The following HCN1 variants were observed in gnomAD, a reference collection of about 807,000 sequenced individuals.
HCN1 encodes the protein hyperpolarization activated cyclic nucleotide gated potassium channel 1, also known as potassium/sodium hyperpolarization-activated cyclic nucleotide-gated channel 1.
HCN1 carries 13 observed loss-of-function variants against 78.9 expected under a neutral mutation model. The observed-to-expected ratio is 0.16, with a 90% CI of 0.11 to 0.26. The LOEUF is 0.26. Ranked by LOEUF, HCN1 falls within the 10% of genes least tolerant of loss-of-function variation. The pLI is 1.00. For missense variants in HCN1, 810 were observed against 1,154.3 expected (o/e 0.70, Z 4.32); for synonymous variants, 552 against 455.5 (o/e 1.21, Z -2.70).
intron 5 of HCN1, among the ~76,000 whole-genome samples, chr5:45,350,534 G>A (rs1175276117): frequency 6.6e-6 from 1 of 151,560 alleles, no homozygotes; most frequent in African/African-American, 2.4e-5. Context: ...GGGCAATCAG[G>A]CAGGAGAAGG....
intron 2 of HCN1, among the ~76,000 whole-genome samples, chr5:45,478,564 G>T (rs376895135): frequency 1.3e-5 from 2 of 152,098 alleles, no homozygotes; most frequent in African/African-American, 4.8e-5. Flanking sequence ...ATAGTTATCC[G>T]TACTAATTCT....
At chr5:45,368,959 G>A (rs912695774) in intron 4 of HCN1, among the ~76,000 whole-genome samples, 1 of 151,834 alleles carries the variant, frequency 6.6e-6, no homozygotes, top group Non-Finnish European at 1.5e-5. Context: ...CGTTCCAAAA[G>A]TTCCCTCATT....
rs891892358 is a variant in HCN1 at position 45,257,311 on chromosome 5, C to G, written c.*4610G>C. The G allele has an allele frequency of 1.3e-5, 2 of 152,206 alleles. No individual in the cohort carries two copies. The highest frequency in any genetic ancestry group is 2.9e-5 in the Non-Finnish European group (2 of 68,036). The allele number at this position is 152,206 out of a possible 1,614,324, so 9.4% of individuals were successfully genotyped here. ...CTCTTCACCCTGTGAGACACTCCAG[C>G]TGCATTGAACTGCCAGTGTTCCCAA... is the stretch of plus-strand genomic sequence containing the variant. On this transcript the variant is annotated 3_prime_UTR_variant, in exon 8 of 8. Transcript: ENST00000303230.
chr5:45,418,862 T>A (rs751988370), intron 3 of HCN1, among the ~76,000 whole-genome samples: 1 of 152,200 alleles, frequency 6.6e-6, no homozygotes, highest in Non-Finnish European at 1.5e-5. Flanking sequence ...TGAAGATTTA[T>A]ATATAATTCT....
intron 2 of HCN1, among the ~76,000 whole-genome samples, chr5:45,518,987 T>C (rs1440146043): frequency 1.3e-5 from 2 of 151,664 alleles, no homozygotes; most frequent in Non-Finnish European, 2.9e-5. Context: ...ATATATAAAA[T>C]TTAAAACAAA....
At chr5:45,684,375 T>C (rs1425946277) in intron 1 of HCN1, among the ~76,000 whole-genome samples, 3 of 152,206 alleles carry the variant, frequency 2.0e-5, no homozygotes, top group Admixed American at 6.5e-5. Context: ...CTGCTTTTTA[T>C]ACATTAGATA....
At position 45,556,594 on chromosome 5, in the gene HCN1, C is replaced by G. The variant is rs144310022; in HGVS notation, c.849+88591G>C. On this transcript the variant is annotated intron_variant, in intron 2 of 7. Coordinates refer to ENST00000303230, the MANE Select transcript of HCN1 (RefSeq NM_021072.4). ...TCCTAGATTCCTTCTTCCATTTTCT[C>G]CATTCCTATTTAATAATGTTTCAAG... Among the ~76,000 whole-genome samples, 260 of 151,970 alleles carry G rather than the reference C, an allele frequency of 1.7e-3. 2 individuals carry two copies. The highest frequency in any genetic ancestry group is 6.1e-3 in the African/African-American group (253 of 41,530).
intron 7 of HCN1, 74 bp downstream of exon 7, chr5:45,267,015 G>T: frequency 7.8e-7 from 1 of 1,277,488 alleles, no homozygotes; most frequent in Non-Finnish European, 1.1e-6. Context: ...CACTGCATTT[G>T]GGACTTATAA....
chr5:45,330,799 A>G (rs1425358151), intron 5 of HCN1, among the ~76,000 whole-genome samples: 1 of 151,088 alleles, frequency 6.6e-6, no homozygotes, highest in Admixed American at 6.6e-5. Flanking sequence ...CATTCATTTA[A>G]AAAAATTTTC....
chr5:45,387,802 A>G (rs1747957036), intron 4 of HCN1, among the ~76,000 whole-genome samples: 1 of 152,144 alleles, frequency 6.6e-6, no homozygotes, highest in African/African-American at 2.4e-5. Flanking sequence ...ACCAAACCCT[A>G]TACATATACT....
chr5:45,670,901 T>C (rs1746138737), intron 1 of HCN1, among the ~76,000 whole-genome samples: 1 of 151,704 alleles, frequency 6.6e-6, no homozygotes, highest in Non-Finnish European at 1.5e-5. Context: ...CAAAACAGAT[T>C]CAAACAAATA....
intron 3 of HCN1, among the ~76,000 whole-genome samples, chr5:45,398,708 T>G (rs1739734084): frequency 6.6e-6 from 1 of 152,218 alleles, no homozygotes; most frequent in Non-Finnish European, 1.5e-5. Context: ...TATATTGTAT[T>G]GCTATATTTT....
intron 5 of HCN1, among the ~76,000 whole-genome samples, chr5:45,342,503 G>A (rs867423854): frequency 6.6e-6 from 1 of 151,566 alleles, no homozygotes; most frequent in African/African-American, 2.4e-5. Flanking sequence ...CACCCAAAAT[G>A]CTGGGATTAT....
intron 1 of HCN1, among the ~76,000 whole-genome samples, chr5:45,669,644 G>T (rs181542119): frequency 4.3e-4 from 65 of 151,854 alleles, no homozygotes; most frequent in Middle Eastern, 6.8e-3. Flanking sequence ...CAGGAAGATG[G>T]AGCAGCAAAT....
chr5:45,380,023 G>C lies in HCN1; in HGVS notation c.1230+16469C>G, dbSNP rs929349227. ...AAGAGAGAACTTGAGGAACAAGTTT[G>C]AAGAGTTAGGATCCATTTGTCTTAG... On this transcript the variant is annotated intron_variant, in intron 4 of 7. Transcript: ENST00000303230. Among the ~76,000 whole-genome samples the C allele has an allele frequency of 2.0e-5, 3 of 152,092 alleles. No individual in the cohort carries two copies. The East Asian group carries it at 5.8e-4, about 29-fold the overall frequency.
intron 1 of HCN1, among the ~76,000 whole-genome samples, chr5:45,673,778 G>T (rs1409016330): frequency 6.6e-6 from 1 of 151,468 alleles, no homozygotes; most frequent in East Asian, 1.9e-4. Flanking sequence ...TTAATCAAAG[G>T]TCACAAAATT....
chr5:45,505,517 G>A (rs185442412), intron 2 of HCN1, among the ~76,000 whole-genome samples: 2 of 152,230 alleles, frequency 1.3e-5, no homozygotes, highest in African/African-American at 2.4e-5. Context: ...TTGTAGTATA[G>A]TTTGAAGTCA....
In HCN1 at chr5:45,371,947, A is replaced by G. The variant is rs192971219; in HGVS notation, c.1231-18701T>C. Among the ~76,000 whole-genome samples, 20 of 95,286 alleles carry G rather than the reference A, an allele frequency of 2.1e-4. 1 individual carries two copies. In the South Asian group the frequency reaches 3.3e-3, roughly 16 times the overall value. 62.5% of individuals were successfully genotyped at this position (95,286 alleles called of 152,430 possible). On this transcript the variant is annotated intron_variant, in intron 4 of 7. Coordinates refer to ENST00000303230, the MANE Select transcript of HCN1 (RefSeq NM_021072.4). The stretch of plus-strand genomic sequence containing the variant: ...ATACATTATATTATATATAATATAT[A>G]ATATAATATAATTATATATTATATT...
intron 4 of HCN1, among the ~76,000 whole-genome samples, chr5:45,366,568 T>C (rs1330926231): frequency 2.0e-5 from 3 of 151,790 alleles, no homozygotes; most frequent in Non-Finnish European, 4.4e-5. Flanking sequence ...ATCTCTCTAG[T>C]TTGTTTGAAA....
Sources: gnomAD v4.1 joint callset for allele counts (sites outside exome capture counted in the v4.1 genomes callset) on GRCh38, gnomAD v4.1.1 for gene constraint, MANE v1.5 for transcripts, NCBI Gene and HGNC (gene_info 2026-07-23, HGNC 2026-07-21) for gene names.